Variants in RAB43 observed in about 807,000 individuals in gnomAD.
The protein encoded by RAB43 is ras-related protein Rab-43.
A neutral mutation model predicts 18.8 loss-of-function variants in RAB43; 6 were observed. That is an observed-to-expected ratio of 0.32 (90% confidence interval 0.17 to 0.63). The LOEUF (loss-of-function observed/expected upper bound fraction) is 0.63, where lower values mean the gene tolerates loss of function less well. RAB43 is among the 30% of genes least tolerant of loss of function. RAB43 has a pLI of 0.79. For synonymous variants in RAB43, 103 were observed against 124.1 expected, an observed-to-expected ratio of 0.83 and a Z score of 1.13; for missense variants, 195 against 289.1, an observed-to-expected ratio of 0.67 and a Z score of 2.36.
chr3:129,094,505 C>CTTTTTTTTTTTTTTTTTTTT lies in RAB43; in HGVS notation c.388+461_388+480dup, dbSNP rs200896936. Among the ~76,000 whole-genome samples, 2 of 69,102 alleles carry CTTTTTTTTTTTTTTTTTTTT rather than the reference C, an allele frequency of 2.9e-5. 1 individual carries two copies. The highest frequency in any genetic ancestry group is 5.2e-4 in the Admixed American group (2 of 3,818). The allele number at this position is 69,102 out of a possible 152,430, so 45.3% of individuals were successfully genotyped here. On this transcript the variant is annotated intron_variant, in intron 2 of 2. Coordinates refer to ENST00000315150, the MANE Select transcript of RAB43 (RefSeq NM_198490.3). ...TAATTCCAATTTTGAATATAACTTT[C>CTTTTTTTTTTTTTTTTTTTT]TTTTTTTTTTTTTTTTTTTTTTTTT...
Position 129,121,682 on chromosome 3 carries a change from G to A in RAB43, c.-193C>T. On this transcript the variant is annotated 5_prime_UTR_variant, in exon 1 of 3. Coordinates refer to ENST00000315150, the MANE Select transcript of RAB43 (RefSeq NM_198490.3). ...CCCCGCCCCACCCCGGCTGGCTCCCGCCCCGGCCCGGCTCGGCCCCGCCCG... is the reference window on the plus strand; with the variant it reads ...CCCCGCCCCACCCCGGCTGGCTCCCACCCCGGCCCGGCTCGGCCCCGCCCG... 6.2e-6 allele frequency: 2 copies of A among 324,738 alleles called. No homozygotes were observed. The highest frequency in any genetic ancestry group is 1.0e-5 in the Non-Finnish European group (2 of 200,558). 20.1% of individuals were successfully genotyped at this position (324,738 alleles called of 1,614,324 possible). A position where few individuals can be genotyped will look rare whatever the true frequency, so the allele number is the denominator to read the frequency against.
intron 1 of RAB43, among the ~76,000 whole-genome samples, chr3:129,097,023 GA>G (rs1173413932): frequency 8.5e-5 from 13 of 152,080 alleles, no homozygotes; most frequent in Non-Finnish European, 1.3e-4. Context: ...TGAGGCAGGA[GA>G]ATCGCTTGAA....
chr3:129,114,484 G>A (rs936192157), intron 1 of RAB43, among the ~76,000 whole-genome samples: 1 of 152,180 alleles, frequency 6.6e-6, no homozygotes, highest in East Asian at 1.9e-4. Context: ...TGGCTATGAG[G>A]ATCAAATGCA....
chr3:129,117,330 G>A (rs1478482466), intron 1 of RAB43, among the ~76,000 whole-genome samples: 2 of 151,936 alleles, frequency 1.3e-5, no homozygotes, highest in Non-Finnish European at 2.9e-5. Context: ...GCTCCAAGGA[G>A]AAAAAAAATG....
chr3:129,098,320 AAC>A (rs1254942391), intron 1 of RAB43, among the ~76,000 whole-genome samples: 1 of 152,198 alleles, frequency 6.6e-6, no homozygotes, highest in South Asian at 2.1e-4. Flanking sequence ...GAGGCTCAGA[AAC>A]ACCTTAGTCT....
At chr3:129,116,375 A>G (rs1935527128) in intron 1 of RAB43, among the ~76,000 whole-genome samples, 1 of 152,230 alleles carries the variant, frequency 6.6e-6, no homozygotes, top group Non-Finnish European at 1.5e-5. Flanking sequence ...TCAAGAACAG[A>G]TTTCTTCAGA....
intron 1 of RAB43, among the ~76,000 whole-genome samples, chr3:129,113,155 A>T (rs923188982): frequency 2.0e-4 from 29 of 148,218 alleles, no homozygotes; most frequent in African/African-American, 6.2e-4. Context: ...GGTTATTTTT[A>T]TTATTATTAT....
chr3:129,112,714 G>T (rs2108023749), intron 1 of RAB43, among the ~76,000 whole-genome samples: 1 of 151,810 alleles, frequency 6.6e-6, no homozygotes, highest in Non-Finnish European at 1.5e-5. Context: ...ATTTTGGACA[G>T]AAGAACTGCT....
chr3:129,111,204 G>A (rs1318202224), intron 1 of RAB43, among the ~76,000 whole-genome samples: 1 of 151,906 alleles, frequency 6.6e-6, no homozygotes, highest in Admixed American at 6.6e-5. Context: ...TCTTCTAGTA[G>A]AGCTTCTAGT....
At chr3:129,109,434 A>G (rs544652813) in intron 1 of RAB43, among the ~76,000 whole-genome samples, 1 of 147,672 alleles carries the variant, frequency 6.8e-6, no homozygotes, top group East Asian at 2.0e-4. Flanking sequence ...AATCAATGTC[A>G]TTTAAAAAAA....
At chr3:129,109,725 G>A (rs1935027322) in intron 1 of RAB43, among the ~76,000 whole-genome samples, 2 of 151,334 alleles carry the variant, frequency 1.3e-5, no homozygotes. Context: ...CCAGGCGACA[G>A]TGAGAGACTC....
At chr3:129,093,796 C>CT (rs1230043426) in intron 2 of RAB43, among the ~76,000 whole-genome samples, 11 of 152,128 alleles carry the variant, frequency 7.2e-5, no homozygotes, top group African/African-American at 2.7e-4. Flanking sequence ...AAGAATCAAC[C>CT]TGTTGGCCCA....
chr3:129,096,021 G>C (rs377276669), intron 1 of RAB43, among the ~76,000 whole-genome samples: 54 of 152,172 alleles, frequency 3.5e-4, no homozygotes, highest in African/African-American at 1.2e-3. Flanking sequence ...TTGGGGATCG[G>C]GTGTGCCTTC....
chr3:129,121,074 C>T (rs970953133), intron 1 of RAB43, among the ~76,000 whole-genome samples: 6 of 147,564 alleles, frequency 4.1e-5, no homozygotes, highest in African/African-American at 1.5e-4. Flanking sequence ...CCTCGCCCCC[C>T]CCCCCCCCAG....
intron 1 of RAB43, among the ~76,000 whole-genome samples, chr3:129,113,126 T>C (rs1486697371): frequency 1.3e-5 from 2 of 151,724 alleles, no homozygotes; most frequent in East Asian, 3.9e-4. Flanking sequence ...ATAGCACTCA[T>C]ATACACGTTT....
chr3:129,101,534 C>A (rs1458775313), intron 1 of RAB43, among the ~76,000 whole-genome samples: 1 of 152,166 alleles, frequency 6.6e-6, no homozygotes, highest in Non-Finnish European at 1.5e-5. Context: ...GGGGTGGATG[C>A]CAGCCTATTT....
chr3:129,098,797 G>T (rs1217363410), intron 1 of RAB43, among the ~76,000 whole-genome samples: 7 of 152,092 alleles, frequency 4.6e-5, no homozygotes, highest in Non-Finnish European at 2.9e-5. Flanking sequence ...TACGGGCTGG[G>T]TGCAGTGTTT....
intron 2 of RAB43, among the ~76,000 whole-genome samples, chr3:129,094,141 G>A (rs953149081): frequency 5.9e-5 from 9 of 152,200 alleles, no homozygotes; most frequent in African/African-American, 1.9e-4. Flanking sequence ...GCACATTCAT[G>A]GGCCCCACCC....
chr3:129,117,432 G>A (rs1363715778), intron 1 of RAB43, among the ~76,000 whole-genome samples: 2 of 152,170 alleles, frequency 1.3e-5, no homozygotes, highest in African/African-American at 4.8e-5. Context: ...CAGTATGCAA[G>A]ATAAGCAGCA....
Sources: gnomAD v4.1 joint callset for allele counts (sites outside exome capture counted in the v4.1 genomes callset) on GRCh38, gnomAD v4.1.1 for gene constraint, MANE v1.5 for transcripts, NCBI Gene and HGNC (gene_info 2026-07-23, HGNC 2026-07-21) for gene names.